The following COL4A2 variants were observed in gnomAD, a reference collection of about 807,000 sequenced individuals.
COL4A2 encodes the protein collagen alpha-2(IV) chain.
In COL4A2, 99 loss-of-function variants were observed where a neutral mutation model predicts 200.2. That is an observed-to-expected ratio of 0.49 (90% confidence interval 0.42 to 0.58). COL4A2 has a LOEUF of 0.58. Ranked by LOEUF, COL4A2 falls within the 20% of genes least tolerant of loss-of-function variation. COL4A2 has a pLI of 0.00. For synonymous variants in COL4A2, 897 were observed against 900.6 expected (o/e 1.00, Z 0.07); for missense variants, 1,950 against 2,314.1 (o/e 0.84, Z 3.23).
chr13:110,421,694 T>C (rs937577261), intron 4 of COL4A2, among the ~76,000 whole-genome samples: 2 of 152,196 alleles, frequency 1.3e-5, no homozygotes, highest in Non-Finnish European at 2.9e-5. Context: ...GTTGTATCCT[T>C]TAAAATGGTT....
At chr13:110,494,520 GTTTTC>G (rs1883389452) in intron 39 of COL4A2, among the ~76,000 whole-genome samples, 1 of 151,684 alleles carries the variant, frequency 6.6e-6, no homozygotes, top group African/African-American at 2.4e-5. Context: ...AGATAACCTT[GTTTTC>G]TTTTCAATTT....
chr13:110,395,518 AC>A (rs1879153513), intron 4 of COL4A2, among the ~76,000 whole-genome samples: 1 of 152,212 alleles, frequency 6.6e-6, no homozygotes, highest in African/African-American at 2.4e-5. Flanking sequence ...TTAAATGAGA[AC>A]GTGACACATT....
chr13:110,387,850 G>T lies in COL4A2; in HGVS notation c.180+30298G>T, dbSNP rs1378277497. ...CCACCTCGGCCTCCACCTCTGCGGA[G>T]CTCTGACCTGCCCTGGCTTGGCTGT... On this transcript the variant is annotated intron_variant, in intron 4 of 47. Coordinates refer to ENST00000360467, the MANE Select transcript of COL4A2 (RefSeq NM_001846.4). Among the ~76,000 whole-genome samples, 5 of 152,310 alleles carry T rather than the reference G, an allele frequency of 3.3e-5. No homozygotes were observed. The East Asian group carries it at 7.7e-4, about 24-fold the overall frequency.
intron 3 of COL4A2, among the ~76,000 whole-genome samples, chr13:110,317,420 C>T (rs1329322215): frequency 6.6e-6 from 1 of 152,152 alleles, no homozygotes; most frequent in Admixed American, 6.5e-5. Flanking sequence ...AGCCGGAGGA[C>T]GCTCCTGGTT....
At chr13:110,321,687 AAG>A (rs1566472034) in intron 3 of COL4A2, among the ~76,000 whole-genome samples, 1 of 152,266 alleles carries the variant, frequency 6.6e-6, no homozygotes, top group Admixed American at 6.5e-5. Flanking sequence ...TTACAAAAGA[AAG>A]AGGTTTAATC....
At position 110,431,650 on chromosome 13, in the gene COL4A2, C is replaced by T. The variant is rs183030109; in HGVS notation, c.649-675C>T. Among the ~76,000 whole-genome samples, 546 of 152,274 alleles carry T rather than the reference C, an allele frequency of 3.6e-3. 9 individuals carry two copies. Among genetic ancestry groups the T allele is most frequent in the Non-Finnish European group, 7.5e-4 (51 of 68,018 alleles). ...GATTTCATACTTTAAATGCACCACT[C>T]GGAGAAGTCCGGCACAACAGATTGT... is the stretch of plus-strand genomic sequence containing the variant. On this transcript the variant is annotated intron_variant, in intron 10 of 47. Coordinates refer to ENST00000360467, the MANE Select transcript of COL4A2 (RefSeq NM_001846.4).
rs141022817 is a variant in COL4A2, at chr13:110,511,199, A to C, written c.4882-735A>C. 8.4e-3 allele frequency among the ~76,000 whole-genome samples: 1,282 copies of C among 152,050 alleles called. 15 individuals carry two copies. The highest frequency in any genetic ancestry group is 0.047 in the South Asian group (228 of 4,806). On this transcript the variant is annotated intron_variant, in intron 47 of 47. Transcript: ENST00000360467. The stretch of plus-strand genomic sequence containing the variant: ...CTGCCGTGCGCTTCCATAAAGGCTA[A>C]ACATGTTGATGCAACAGAAAGTAGA...
intron 3 of COL4A2, among the ~76,000 whole-genome samples, chr13:110,327,608 G>A (rs1885453338): frequency 6.6e-6 from 1 of 152,172 alleles, no homozygotes. Context: ...TTGGGGGTGG[G>A]GTGTTGGGTT....
chr13:110,475,106 A>G lies in COL4A2; in HGVS notation c.2425+1956A>G, dbSNP rs543513889. Reference sequence around the variant, plus strand: ...CACGTGCCTATGCATGCTCACACATACACATCCAACCCTGAACCAAGCCAG... The same window carrying G: ...CACGTGCCTATGCATGCTCACACATGCACATCCAACCCTGAACCAAGCCAG... On this transcript the variant is annotated intron_variant, in intron 29 of 47. Coordinates refer to ENST00000360467, the MANE Select transcript of COL4A2 (RefSeq NM_001846.4). 1.5e-3 allele frequency among the ~76,000 whole-genome samples: 230 copies of G among 152,374 alleles called. 1 individual carries two copies. Among genetic ancestry groups the G allele is most frequent in the African/African-American group, 5.3e-3 (222 of 41,594 alleles).
chr13:110,503,960 GA>G lies in COL4A2; in HGVS notation c.4253del (p.Glu1418GlyfsTer41). The G allele has an allele frequency of 1.3e-6, 2 of 1,569,356 alleles. No homozygotes were observed. Among genetic ancestry groups the G allele is most frequent in the Non-Finnish European group, 1.7e-6 (2 of 1,158,368 alleles). ...GRRGPPGAPG[E>X]MGPQGPPGEP... ...GCGAGGCCCCCCTGGGGCACCGGGG[GA>G]GATGGGGCCCCAGGGCCCCCCCGGA... On this transcript the variant is annotated frameshift_variant, in exon 44 of 48. Transcript: ENST00000360467. LOFTEE classifies it high-confidence loss of function.
intron 4 of COL4A2, among the ~76,000 whole-genome samples, chr13:110,364,959 A>G (rs984634760): frequency 5.9e-5 from 9 of 152,230 alleles, no homozygotes; most frequent in African/African-American, 1.9e-4. Flanking sequence ...ACTCCAGAAG[A>G]TGACTGCTCT....
At chr13:110,438,065 C>T (rs755869513) in intron 14 of COL4A2, 28 bp downstream of exon 14, 1 of 1,606,698 alleles carries the variant, frequency 6.2e-7, no homozygotes, top group Non-Finnish European at 8.5e-7. Context: ...CATGCCCCCT[C>T]CCCTGTGGCT....
chr13:110,499,666 C>G (rs1238032737), intron 40 of COL4A2, among the ~76,000 whole-genome samples: 1 of 152,178 alleles, frequency 6.6e-6, no homozygotes, highest in Non-Finnish European at 1.5e-5. Context: ...TTCACGGAAC[C>G]CCTGTTAGTG....
chr13:110,452,353 G>A (rs1380470953), intron 20 of COL4A2, among the ~76,000 whole-genome samples: 3 of 152,228 alleles, frequency 2.0e-5, no homozygotes, highest in Non-Finnish European at 4.4e-5. Context: ...TAATAGAGAC[G>A]GGGTTTCACC....
At chr13:110,438,299 C>A (rs951844262) in intron 14 of COL4A2, among the ~76,000 whole-genome samples, 1 of 152,224 alleles carries the variant, frequency 6.6e-6, no homozygotes, top group Non-Finnish European at 1.5e-5. Context: ...GGCGGAGGGG[C>A]GTGGCTTCCA....
At chr13:110,388,014 G>T (rs941485072) in intron 4 of COL4A2, among the ~76,000 whole-genome samples, 8 of 152,208 alleles carry the variant, frequency 5.3e-5, no homozygotes, top group African/African-American at 1.7e-4. Flanking sequence ...CTTCCCCGTG[G>T]ACTGCATGAC....
intron 4 of COL4A2, among the ~76,000 whole-genome samples, chr13:110,361,143 G>A (rs1403790240): frequency 6.6e-6 from 1 of 152,210 alleles, no homozygotes; most frequent in Admixed American, 6.5e-5. Flanking sequence ...TCTCAGGACT[G>A]CTGCATCTAC....
chr13:110,491,978 C>T (rs959051232), intron 37 of COL4A2, 92 bp from the exon 38 acceptor site: 50 of 1,147,050 alleles, frequency 4.4e-5, no homozygotes, highest in Non-Finnish European at 5.9e-5. Context: ...CCCTCGGCCC[C>T]TCCCAGAGCG....
rs1400859286 is a variant in COL4A2 at position 110,480,173 on chromosome 13, CTG to C, written c.2588-39_2588-38del. On this transcript the variant is annotated intron_variant, in intron 30 of 47. Transcript: ENST00000360467. The stretch of plus-strand genomic sequence containing the variant: ...CGTAAAAGCAGAAGAGAAATTTCCC[CTG>C]TGTGTGTTTGTCCACCCTGTTTGAT... 84 of 1,515,572 alleles carry C rather than the reference CTG, an allele frequency of 5.5e-5. 1 individual carries two copies. The highest frequency in any genetic ancestry group is 6.5e-5 in the Non-Finnish European group (73 of 1,129,314). The allele number at this position is 1,515,572 out of a possible 1,614,324, so 93.9% of individuals were successfully genotyped here.
Sources: gnomAD v4.1 joint callset for allele counts (sites outside exome capture counted in the v4.1 genomes callset) on GRCh38, gnomAD v4.1.1 for gene constraint, MANE v1.5 for transcripts, NCBI Gene and HGNC (gene_info 2026-07-23, HGNC 2026-07-21) for gene names.